THSD7A: variants seen among roughly 807,000 people sequenced by gnomAD.
THSD7A encodes thrombospondin type 1 domain containing 7A, also known as thrombospondin type-1 domain-containing protein 7A.
Under a neutral mutation model 231.3 loss-of-function variants are expected in THSD7A, and 96 were observed. The ratio of observed to expected loss-of-function variants is 0.41; its 90% CI spans 0.35 to 0.49. THSD7A has a LOEUF of 0.49. Ranked by LOEUF, THSD7A falls within the 20% of genes least tolerant of loss-of-function variation. The pLI, the probability that THSD7A is intolerant of heterozygous loss-of-function variation, is 0.05. For missense variants in THSD7A, 2,290 were observed against 2,070.2 expected, an observed-to-expected ratio of 1.11 and a Z score of -2.06; for synonymous variants, 940 against 743.3, an observed-to-expected ratio of 1.26 and a Z score of -4.30.
At chr7:11,695,649 A>T (rs1339360510) in intron 1 of THSD7A, among the ~76,000 whole-genome samples, 1 of 151,536 alleles carries the variant, frequency 6.6e-6, no homozygotes, top group African/African-American at 2.4e-5. Context: ...AGAGTAATTT[A>T]TTGACAGATA....
chr7:11,517,683 T>C (rs1220672153), intron 6 of THSD7A, among the ~76,000 whole-genome samples: 2 of 152,210 alleles, frequency 1.3e-5, no homozygotes, highest in Non-Finnish European at 1.5e-5. Context: ...GAAGTCTTTA[T>C]AGAAAGCATA....
intron 19 of THSD7A, chr7:11,410,414 G>A (rs1783742394): frequency 6.6e-6 from 1 of 152,132 alleles, no homozygotes; most frequent in Non-Finnish European, 1.5e-5. Flanking sequence ...AAACTCTAAT[G>A]AGGTTACAAA....
chr7:11,523,250 TAA>T (rs1486330046), intron 6 of THSD7A, among the ~76,000 whole-genome samples: 2 of 152,008 alleles, frequency 1.3e-5, no homozygotes, highest in Admixed American at 6.6e-5. Flanking sequence ...TCTCTAAAAA[TAA>T]AAAGTCTTTA....
At position 11,814,912 on chromosome 7, in the gene THSD7A, C is replaced by G. The variant is rs575322233; in HGVS notation, c.190+16845G>C. On this transcript the variant is annotated intron_variant, in intron 1 of 27. Coordinates refer to ENST00000423059, the MANE Select transcript of THSD7A (RefSeq NM_015204.3). The surrounding 1 kb of genome is among the most constrained non-coding windows in gnomAD (Gnocchi z 5.1). ...ATTATCTGTGCCAGCTCATGAGCAG[C>G]AGATGCCTTAATCCTGATTACTCCT... 3.3e-5 allele frequency among the ~76,000 whole-genome samples: 5 copies of G among 152,136 alleles called. 1 individual carries two copies. The South Asian group carries it at 1.0e-3, about 32-fold the overall frequency.
chr7:11,384,443 C>A (rs1782649254), intron 23 of THSD7A: 1 of 151,716 alleles, frequency 6.6e-6, no homozygotes, highest in African/African-American at 2.4e-5. Flanking sequence ...TCCTTCTCTA[C>A]CTTGAGTTCA....
intron 18 of THSD7A, among the ~76,000 whole-genome samples, 183 bp downstream of exon 18, chr7:11,412,473 T>G (rs1208354373): frequency 6.6e-6 from 1 of 151,778 alleles, no homozygotes; most frequent in East Asian, 1.9e-4. Context: ...TCTATCTTAG[T>G]GTTTACTAAA....
chr7:11,726,984 C>G (rs983248757), intron 1 of THSD7A, among the ~76,000 whole-genome samples: 1 of 151,898 alleles, frequency 6.6e-6, no homozygotes, highest in Non-Finnish European at 1.5e-5. Flanking sequence ...CTGACAAGAG[C>G]GACGTGATAC....
At position 11,735,751 on chromosome 7, in the gene THSD7A, T is replaced by G. The variant is rs142284230; in HGVS notation, c.190+96006A>C. On this transcript the variant is annotated intron_variant, in intron 1 of 27. Coordinates refer to ENST00000423059, the MANE Select transcript of THSD7A (RefSeq NM_015204.3). ...GAAACAGTCTAATATAATGCTAAAATTGTTAGCATTCATAATTGGGTAGAT... is the reference window on the plus strand; with the variant it reads ...GAAACAGTCTAATATAATGCTAAAAGTGTTAGCATTCATAATTGGGTAGAT... 7.3e-3 allele frequency among the ~76,000 whole-genome samples: 1,107 copies of G among 152,064 alleles called. 15 individuals are homozygous for G. Among genetic ancestry groups the G allele is most frequent in the African/African-American group, 0.023 (975 of 41,536 alleles).
chr7:11,592,272 G>T (rs531115266), intron 3 of THSD7A, among the ~76,000 whole-genome samples: 222 of 152,054 alleles, frequency 1.5e-3, no homozygotes, highest in South Asian at 3.9e-3. Flanking sequence ...TATTTTTTTT[G>T]TTGTTGTTAT....
intron 1 of THSD7A, among the ~76,000 whole-genome samples, chr7:11,821,638 C>A (rs1361116495): frequency 1.3e-5 from 2 of 152,122 alleles, no homozygotes; most frequent in African/African-American, 2.4e-5. Flanking sequence ...ATCAGTCTTG[C>A]ATAGCTTTTC....
chr7:11,392,360 C>T (rs2115332623), intron 23 of THSD7A, among the ~76,000 whole-genome samples: 1 of 152,230 alleles, frequency 6.6e-6, no homozygotes, highest in Non-Finnish European at 1.5e-5. Context: ...AGATACTATG[C>T]TTTTCTCATG....
At position 11,687,545 on chromosome 7, in the gene THSD7A, T is replaced by C. The variant is rs188090866; in HGVS notation, c.191-50584A>G. Among the ~76,000 whole-genome samples the C allele has an allele frequency of 3.4e-4, 52 of 152,052 alleles. 1 individual carries two copies. The highest frequency in any genetic ancestry group is 1.2e-3 in the African/African-American group (48 of 41,526). ...GAAGACTGAAGAAAAACATCTTGCT[T>C]TTATCACTGGGAAGGGAAATCAGGA... On this transcript the variant is annotated intron_variant, in intron 1 of 27. Transcript: ENST00000423059.
At chr7:11,508,849 T>C (rs973598293) in intron 6 of THSD7A, among the ~76,000 whole-genome samples, 2 of 152,252 alleles carry the variant, frequency 1.3e-5, no homozygotes, top group Admixed American at 6.5e-5. Flanking sequence ...CACAGCAATA[T>C]GAATACTGCA....
intron 1 of THSD7A, among the ~76,000 whole-genome samples, chr7:11,710,099 T>TAAAA (rs527947564): frequency 1.1e-4 from 16 of 150,544 alleles, no homozygotes; most frequent in South Asian, 6.2e-4. Context: ...TATTTTTTTT[T>TAAAA]AAAAAATGAG....
chr7:11,417,937 T>C (rs1784016254), intron 16 of THSD7A, among the ~76,000 whole-genome samples: 2 of 152,174 alleles, frequency 1.3e-5, no homozygotes, highest in South Asian at 4.1e-4. Flanking sequence ...TATACACATA[T>C]GAGGGAGAAA....
chr7:11,481,689 G>A (rs1020559047), intron 7 of THSD7A, 99 bp downstream of exon 7: 2 of 1,262,580 alleles, frequency 1.6e-6, no homozygotes, highest in African/African-American at 3.0e-5. Flanking sequence ...ATTTCTGGTT[G>A]TTGACTTTCA....
At chr7:11,740,580 C>T (rs1782080737) in intron 1 of THSD7A, among the ~76,000 whole-genome samples, 1 of 151,926 alleles carries the variant, frequency 6.6e-6, no homozygotes, top group Non-Finnish European at 1.5e-5. Flanking sequence ...GTTCCCCTTC[C>T]TGGATATAGC....
intron 12 of THSD7A, 103 bp downstream of exon 12, chr7:11,447,127 G>T (rs1784995121): frequency 2.9e-6 from 3 of 1,047,842 alleles, no homozygotes; most frequent in East Asian, 2.6e-5. Context: ...AAATCCATTG[G>T]CATATTATTT....
chr7:11,545,516 G>GA, intron 4 of THSD7A, among the ~76,000 whole-genome samples: 1 of 152,258 alleles, frequency 6.6e-6, no homozygotes, highest in African/African-American at 2.4e-5. Flanking sequence ...ATCTTCAGAA[G>GA]GATGGCATTG....
Sources: allele counts gnomAD v4.1 joint callset (sites outside exome capture counted in the v4.1 genomes callset), GRCh38; gene constraint gnomAD v4.1.1; non-coding constraint Gnocchi (gnomAD v3.1); transcripts MANE v1.5; gene names NCBI Gene and HGNC (gene_info 2026-07-23, HGNC 2026-07-21).